Variants in GPNMB observed in about 807,000 individuals in gnomAD.
GPNMB encodes transmembrane glycoprotein NMB.
A neutral mutation model predicts 57.3 loss-of-function variants in GPNMB; 71 were observed. The observed-to-expected ratio is 1.24, with a 90% CI of 1.02 to 1.51. The LOEUF (loss-of-function observed/expected upper bound fraction) is 1.51, where lower values mean the gene tolerates loss of function less well. Among genes scored for constraint, GPNMB ranks in the 40% most tolerant of loss-of-function variants. GPNMB has a pLI of 0.00. For missense variants in GPNMB, 677 were observed against 691.9 expected (o/e 0.98, Z 0.24); for synonymous variants, 253 against 263.2 (o/e 0.96, Z 0.38).
intron 3 of GPNMB, among the ~76,000 whole-genome samples, chr7:23,256,201 C>A (rs996792504): frequency 7.9e-5 from 12 of 152,134 alleles, no homozygotes; most frequent in African/African-American, 2.9e-4. Context: ...CCACTGCACC[C>A]AGCCTAAATC....
In GPNMB at chr7:23,274,194, CAAA is replaced by C. The variant is rs777419506; in HGVS notation, c.1656_1658del (p.Lys552del). On this transcript the variant is annotated inframe_deletion, in exon 11 of 11. Coordinates refer to ENST00000258733, the MANE Select transcript of GPNMB (RefSeq NM_002510.3). Reference sequence around the variant, plus strand: ...GAAACCAGGAAAAGGATCCGCTACTCAAAAACCAAGAATTTAAAGGAGTTTCTT... The same window carrying C: ...GAAACCAGGAAAAGGATCCGCTACTCAACCAAGAATTTAAAGGAGTTTCTT... 5 of 1,613,080 alleles carry C rather than the reference CAAA, an allele frequency of 3.1e-6. No individual in the cohort carries two copies. The highest frequency in any genetic ancestry group is 4.2e-6 in the Non-Finnish European group (5 of 1,179,752).
intron 1 of GPNMB, among the ~76,000 whole-genome samples, chr7:23,248,620 C>A (rs886480373): frequency 2.0e-5 from 3 of 152,098 alleles, no homozygotes; most frequent in Admixed American, 6.5e-5. Context: ...GCCCAGCCAC[C>A]ACCTCTCTGC....
At chr7:23,267,237 T>A (rs1327815364) in intron 7 of GPNMB, among the ~76,000 whole-genome samples, 1 of 152,222 alleles carries the variant, frequency 6.6e-6, no homozygotes. Flanking sequence ...CTTTCCAAGA[T>A]GGAGTGCTAC....
intron 1 of GPNMB, chr7:23,247,783 G>T (rs539806467): frequency 1.4e-4 from 22 of 152,404 alleles, no homozygotes; most frequent in African/African-American, 4.8e-4. Context: ...TCCCGACTGC[G>T]ACTGCGACCC....
intron 10 of GPNMB, 183 bp downstream of exon 10, chr7:23,273,797 C>T: frequency 1.7e-6 from 1 of 585,178 alleles, no homozygotes; most frequent in Non-Finnish European, 3.0e-6. Context: ...TGTTTTTAAT[C>T]CTAAAAGATG....
chr7:23,251,477 G>A (rs1011602770), intron 1 of GPNMB, among the ~76,000 whole-genome samples: 1 of 152,196 alleles, frequency 6.6e-6, no homozygotes, highest in Admixed American at 6.5e-5. Flanking sequence ...AACAAAATAG[G>A]TTAAGACATT....
chr7:23,249,124 G>T (rs1235772352), intron 1 of GPNMB, among the ~76,000 whole-genome samples: 8 of 152,128 alleles, frequency 5.3e-5, no homozygotes. Flanking sequence ...GTTTTGCCAT[G>T]TTGCCCAGGC....
At position 23,264,380 on chromosome 7, in the gene GPNMB, AT is replaced by A. The variant is rs893996088; in HGVS notation, c.1019-2127del. The stretch of plus-strand genomic sequence containing the variant: ...CATATGCTTTTTTATTTTTATTTTT[AT>A]TTTTTTTTTGAGATAGAGTCTTGCT... On this transcript the variant is annotated intron_variant, in intron 6 of 10. Transcript: ENST00000258733. 2.4e-3 allele frequency among the ~76,000 whole-genome samples: 352 copies of A among 148,674 alleles called. 1 individual carries two copies. The highest frequency in any genetic ancestry group is 7.8e-3 in the African/African-American group (317 of 40,556).
intron 8 of GPNMB, among the ~76,000 whole-genome samples, chr7:23,269,446 C>T (rs1464901561): frequency 6.6e-6 from 1 of 152,118 alleles, no homozygotes; most frequent in African/African-American, 2.4e-5. Context: ...TGTCATATAT[C>T]TAAAACTCAC....
chr7:23,250,771 A>T (rs1217536045), intron 1 of GPNMB: 2 of 152,180 alleles, frequency 1.3e-5, no homozygotes, highest in Non-Finnish European at 2.9e-5. Context: ...GATCTGAGGA[A>T]GAGGAAGACT....
In GPNMB at chr7:23,273,533, C is replaced by G; in HGVS notation, c.1442C>G (p.Pro481Arg). ...CTTCTGTTTTAAGACCCAGCCTCGC[C>G]TTTAAGGATGGCAAACAGTGCCCTG... is the stretch of plus-strand genomic sequence containing the variant. ...ISVPDRDPAS[P>R]LRMANSALIS... Residue 481 changes from proline to arginine, a missense_variant, in exon 10 of 11, where the codon CCT becomes CGT. Transcript: ENST00000258733. The G allele has an allele frequency of 6.2e-7, 1 of 1,612,702 alleles. No homozygotes were observed. Among genetic ancestry groups the G allele is most frequent in the Non-Finnish European group, 8.5e-7 (1 of 1,178,714 alleles).
At position 23,274,322 on chromosome 7, in the gene GPNMB, T is replaced by C. The variant is rs1783285894; in HGVS notation, c.*98T>C. ...TTTTTTCCTAAAGATTATTGTTAAA[T>C]AGATATTGTGGTTTGGGGAAGTTGA... On this transcript the variant is annotated 3_prime_UTR_variant, in exon 11 of 11. Transcript: ENST00000258733. 2 of 919,382 alleles carry C rather than the reference T, an allele frequency of 2.2e-6. No homozygotes were observed. The highest frequency in any genetic ancestry group is 3.3e-5 in the African/African-American group (2 of 60,056). The allele number at this position is 919,382 out of a possible 1,614,324, so 57.0% of individuals were successfully genotyped here.
In GPNMB at chr7:23,260,129, G is replaced by A. The variant is rs116613914; in HGVS notation, c.691G>A (p.Val231Met). The A allele has an allele frequency of 2.2e-5, 35 of 1,613,914 alleles. No homozygotes were observed. The African/African-American group carries it at 2.8e-4, about 13-fold the overall frequency. The change falls in exon 5 of 11, where the codon GTG (valine) becomes ATG (methionine). Residue 231 changes from valine (V) to methionine (M), a missense_variant. Coordinates refer to ENST00000258733, the MANE Select transcript of GPNMB (RefSeq NM_002510.3). ...VPIAQVKDVY[V>M]VTDQIPVFVT... ...CATCGCACAAGTGAAAGATGTGTAC[G>A]TGGTAACAGGTGAGTGGTGTGAACT...
At chr7:23,262,850 G>A (rs1405860549) in intron 6 of GPNMB, among the ~76,000 whole-genome samples, 3 of 151,862 alleles carry the variant, frequency 2.0e-5, no homozygotes, top group Non-Finnish European at 4.4e-5. Context: ...CAACTCTTGA[G>A]CACAGGTGAT....
At chr7:23,263,881 C>T (rs796425321) in intron 6 of GPNMB, among the ~76,000 whole-genome samples, 11 of 152,050 alleles carry the variant, frequency 7.2e-5, no homozygotes, top group Admixed American at 2.0e-4. Context: ...AAAATATGTT[C>T]TCTCTGCTTT....
At chr7:23,272,426 C>G (rs1783229916) in intron 9 of GPNMB, among the ~76,000 whole-genome samples, 1 of 151,324 alleles carries the variant, frequency 6.6e-6, no homozygotes, top group Admixed American at 6.6e-5. Flanking sequence ...GCCCAGAAGT[C>G]CAGCCTGGGC....
rs1364609213 is a variant in GPNMB, at chr7:23,260,869, G to T, written c.1018+96G>T. On this transcript the variant is annotated intron_variant, in intron 6 of 10. Transcript: ENST00000258733. The stretch of plus-strand genomic sequence containing the variant: ...TTAAATCCCTCCTTAAGGGGATATT[G>T]TAAGGACTCTGCGGTGATTCCATTT... 1.6e-5 allele frequency: 16 copies of T among 980,886 alleles called. No individual in the cohort carries two copies. In the East Asian group the frequency reaches 4.1e-4, roughly 25 times the overall value. 60.8% of individuals were successfully genotyped at this position (980,886 alleles called of 1,614,324 possible).
At position 23,253,392 on chromosome 7, in the gene GPNMB, T is replaced by C; in HGVS notation, c.156T>C (p.Asn52=). The change falls in exon 2 of 11, where the codon AAT becomes AAC. Residue 52 remains asparagine, a synonymous_variant. Coordinates refer to ENST00000258733, the MANE Select transcript of GPNMB (RefSeq NM_002510.3). ...NQLNGWSSDE[N]DWNEKLYPVW... is the part of the protein sequence containing the mutation. ...TAAATGGCTGGTCTTCTGATGAAAA[T>C]GACTGGAATGAAAAACTCTACCCAG... The C allele has an allele frequency of 1.9e-6, 3 of 1,613,912 alleles. No homozygotes were observed. The highest frequency in any genetic ancestry group is 2.5e-6 in the Non-Finnish European group (3 of 1,179,838).
chr7:23,248,931 G>A (rs199356), intron 1 of GPNMB, among the ~76,000 whole-genome samples: 6,602 of 152,022 alleles, frequency 0.043, 216 homozygotes, highest in South Asian at 0.098. Flanking sequence ...CCACAGGCAC[G>A]TGCCACCACA....
Sources: gnomAD v4.1 joint callset for allele counts (sites outside exome capture counted in the v4.1 genomes callset) on GRCh38, gnomAD v4.1.1 for gene constraint, MANE v1.5 for transcripts, NCBI Gene and HGNC (gene_info 2026-07-23, HGNC 2026-07-21) for gene names.